Variants in RBFOX1 observed in about 807,000 individuals in gnomAD.
RBFOX1 encodes RNA binding protein fox-1 homolog 1.
A neutral mutation model predicts 57.7 loss-of-function variants in RBFOX1; 8 were observed. That is an observed-to-expected ratio of 0.14 (90% CI 0.08 to 0.25). The LOEUF is 0.25. RBFOX1 is among the 10% of genes least tolerant of loss of function. RBFOX1 has a pLI of 1.00. For missense variants in RBFOX1, 611 were observed against 548.5 expected, an observed-to-expected ratio of 1.11 and a Z score of -1.14; for synonymous variants, 326 against 222.4, an observed-to-expected ratio of 1.47 and a Z score of -4.15.
intron 1 of RBFOX1, among the ~76,000 whole-genome samples, chr16:5,402,870 G>A (rs1274177369): frequency 6.6e-6 from 1 of 152,100 alleles, no homozygotes; most frequent in East Asian, 1.9e-4. Context: ...TTAAGTGCCA[G>A]CCGCATACTA....
intron 3 of RBFOX1, among the ~76,000 whole-genome samples, chr16:6,922,485 G>C (rs768659982): frequency 7.2e-5 from 11 of 152,122 alleles, no homozygotes; most frequent in Non-Finnish European, 1.5e-4. Context: ...TAATCTTTTA[G>C]CTCATTTTCT....
At chr16:5,489,472 A>G (rs760147641) in intron 2 of RBFOX1, among the ~76,000 whole-genome samples, 5 of 152,216 alleles carry the variant, frequency 3.3e-5, no homozygotes, top group Admixed American at 6.5e-5. Flanking sequence ...AAGTTCATCT[A>G]TTAGCCCTTC....
intron 1 of RBFOX1, among the ~76,000 whole-genome samples, chr16:5,432,812 G>T (rs1285250443): frequency 6.6e-6 from 1 of 151,654 alleles, no homozygotes; most frequent in African/African-American, 2.4e-5. Context: ...TTAAGACAGG[G>T]TCTTACTCTG....
At chr16:7,664,325 C>T (rs917919251) in intron 12 of RBFOX1, among the ~76,000 whole-genome samples, 2 of 152,116 alleles carry the variant, frequency 1.3e-5, no homozygotes, top group African/African-American at 2.4e-5. Context: ...CCATGCTCAC[C>T]CACATACTAT....
chr16:6,242,629 AACACACACACACAC>A (rs57154832), intron 1 of RBFOX1, among the ~76,000 whole-genome samples: 3 of 141,516 alleles, frequency 2.1e-5, no homozygotes, highest in Non-Finnish European at 4.6e-5. Flanking sequence ...ATTTATTGCA[AACACACACACACAC>A]ACACACACAC....
In RBFOX1 at chr16:5,327,136, A is replaced by G. The variant is rs534884392; in HGVS notation, c.219+87031A>G. On this transcript the variant is annotated intron_variant, in intron 1 of 2. Coordinates refer to the RBFOX1 transcript ENST00000585867. ...TATTTATGGAACAACTGGGAATGGCAGTTTCTGAGTGATCATTGAATAGGT... is the reference window on the plus strand; with the variant it reads ...TATTTATGGAACAACTGGGAATGGCGGTTTCTGAGTGATCATTGAATAGGT... Among the ~76,000 whole-genome samples, 4 of 152,338 alleles carry G rather than the reference A, an allele frequency of 2.6e-5. No homozygotes were observed. In the South Asian group the frequency reaches 6.2e-4, roughly 24 times the overall value.
At chr16:7,653,359 A>AG (rs2065509624) in intron 11 of RBFOX1, among the ~76,000 whole-genome samples, 1 of 152,124 alleles carries the variant, frequency 6.6e-6, no homozygotes, top group Non-Finnish European at 1.5e-5. Context: ...AAAATTAGCC[A>AG]GGTGTGGTAG....
intron 4 of RBFOX1, among the ~76,000 whole-genome samples, chr16:7,513,676 CCT>C (rs1451757436): frequency 1.3e-5 from 2 of 152,146 alleles, no homozygotes; most frequent in African/African-American, 4.8e-5. Flanking sequence ...AGCAATCACA[CCT>C]CTGTAAGAAC....
intron 4 of RBFOX1, among the ~76,000 whole-genome samples, chr16:7,098,214 A>G (rs886720955): frequency 6.6e-6 from 1 of 152,158 alleles, no homozygotes; most frequent in Non-Finnish European, 1.5e-5. Flanking sequence ...CTGTCATCCA[A>G]GCTAGAGTGC....
intron 4 of RBFOX1, among the ~76,000 whole-genome samples, chr16:7,422,322 A>G (rs2098550828): frequency 6.6e-6 from 1 of 152,206 alleles, no homozygotes; most frequent in Non-Finnish European, 1.5e-5. Flanking sequence ...ACAGGAGAGC[A>G]AGTGAGCTGT....
At chr16:5,532,966 T>C (rs992286299) in intron 2 of RBFOX1, among the ~76,000 whole-genome samples, 9 of 152,228 alleles carry the variant, frequency 5.9e-5, no homozygotes, top group Non-Finnish European at 1.2e-4. Flanking sequence ...ATGGTAATGC[T>C]GAGGGGGCTA....
intron 1 of RBFOX1, among the ~76,000 whole-genome samples, chr16:6,077,516 C>T (rs910593658): frequency 1.1e-4 from 16 of 152,020 alleles, no homozygotes; most frequent in East Asian, 3.9e-4. Flanking sequence ...GGAATTGTGT[C>T]GTGCTCTCTA....
At chr16:5,275,438 A>G (rs200129560) in intron 1 of RBFOX1, among the ~76,000 whole-genome samples, 2 of 152,162 alleles carry the variant, frequency 1.3e-5, no homozygotes. Flanking sequence ...ACCCTTTTAT[A>G]ATAGCTGTAA....
At chr16:7,141,933 T>C (rs1738825704) in intron 4 of RBFOX1, among the ~76,000 whole-genome samples, 1 of 152,164 alleles carries the variant, frequency 6.6e-6, no homozygotes, top group South Asian at 2.1e-4. Context: ...CCTTCCCCCT[T>C]AAGATGTTTC....
At chr16:7,027,211 C>A (rs1005365823) in intron 3 of RBFOX1, among the ~76,000 whole-genome samples, 1 of 151,996 alleles carries the variant, frequency 6.6e-6, no homozygotes, top group African/African-American at 2.4e-5. Flanking sequence ...AACTCTCCAG[C>A]GCACAGAAAA....
intron 4 of RBFOX1, among the ~76,000 whole-genome samples, chr16:7,064,693 T>C (rs2055504231): frequency 1.3e-5 from 2 of 152,158 alleles, no homozygotes; most frequent in Admixed American, 1.3e-4. Flanking sequence ...ACGGTAGCCC[T>C]AGCAAACGCA....
chr16:7,383,435 T>C (rs55834828), intron 4 of RBFOX1, among the ~76,000 whole-genome samples: 2,469 of 152,210 alleles, frequency 0.016, 76 homozygotes, highest in African/African-American at 0.056. Context: ...AGTCTTCACA[T>C]TGAAATAATC....
intron 2 of RBFOX1, among the ~76,000 whole-genome samples, chr16:6,651,100 C>T (rs970627292): frequency 2.6e-5 from 4 of 152,174 alleles, no homozygotes; most frequent in Admixed American, 6.5e-5. Flanking sequence ...TGGAGTTTCA[C>T]CATATTAGCC....
intron 3 of RBFOX1, among the ~76,000 whole-genome samples, chr16:6,849,602 G>T (rs1032233446): frequency 6.6e-6 from 1 of 152,180 alleles, no homozygotes; most frequent in Non-Finnish European, 1.5e-5. Flanking sequence ...GCAGGAGGCG[G>T]AGGTTTCAGT....
Sources: gnomAD v4.1 joint callset for allele counts (sites outside exome capture counted in the v4.1 genomes callset) on GRCh38, gnomAD v4.1.1 for gene constraint, MANE v1.5 for transcripts, NCBI Gene and HGNC (gene_info 2026-07-23, HGNC 2026-07-21) for gene names.